ZNF329: variants seen among roughly 807,000 people sequenced by gnomAD.
ZNF329 encodes zinc finger protein 329.
A neutral mutation model predicts 26.6 loss-of-function variants in ZNF329; 15 were observed. That is an observed-to-expected ratio of 0.56 (90% CI 0.38 to 0.87). The LOEUF is 0.87. Ranked by LOEUF, ZNF329 falls within the 40% of genes least tolerant of loss-of-function variation. The pLI, the probability that ZNF329 is intolerant of heterozygous loss-of-function variation, is 0.00. For missense variants in ZNF329, 651 were observed against 651.9 expected (o/e 1.00, Z 0.02); for synonymous variants, 239 against 233.5 (o/e 1.02, Z -0.21).
At chr19:58,147,774 G>A (rs1277344983) in intron 1 of ZNF329, among the ~76,000 whole-genome samples, 1 of 9,624 alleles carries the variant, frequency 1.0e-4, no homozygotes, top group Non-Finnish European at 2.2e-4. Flanking sequence ...GAGGTGGGGG[G>A]GGTCAGCCCC....
chr19:58,138,604 C>T (rs1437634154), intron 3 of ZNF329, among the ~76,000 whole-genome samples: 2 of 152,216 alleles, frequency 1.3e-5, no homozygotes, highest in South Asian at 4.1e-4. Flanking sequence ...TCTGGATAGA[C>T]TGGGGCCTGG....
intron 3 of ZNF329, among the ~76,000 whole-genome samples, chr19:58,134,710 C>T (rs971477401): frequency 9.2e-5 from 14 of 152,016 alleles, no homozygotes; most frequent in African/African-American, 3.4e-4. Flanking sequence ...CTGAGGCAGG[C>T]GGATCACTTG....
rs2074869739 is a variant in ZNF329 at position 58,128,958 on chromosome 19, G to A, written c.546C>T (p.Asn182=). Residue 182 remains asparagine, a synonymous_variant, in exon 4 of 4, where the codon AAC becomes AAT. Coordinates refer to ENST00000598312, the MANE Select transcript of ZNF329 (RefSeq NM_024620.4). The part of the protein sequence containing the change: ...KKSYEGKNFE[N]IFTLSSSLNE... ...TAAGCGATGAGCTCAGAGTAAAGAT[G>A]TTCTCAAAATTCTTACCTTCATACG... The A allele has an allele frequency of 6.2e-7, 1 of 1,613,508 alleles. No individual in the cohort carries two copies. The highest frequency in any genetic ancestry group is 8.5e-7 in the Non-Finnish European group (1 of 1,179,806).
chr19:58,129,301 C>A lies in ZNF329; in HGVS notation c.203G>T (p.Gly68Val), dbSNP rs779461564. Residue 68 changes from glycine (G) to valine (V), a missense_variant, in exon 4 of 4, where the codon GGT becomes GTT. Transcript: ENST00000598312. ...GTQEAICEYP[G>V]FGEHLIASSD... is the part of the protein sequence containing the mutation. ...GCTTGCAATCAAATGCTCCCCAAAA[C>A]CAGGATATTCACAAATTGCTTCCTG... The A allele has an allele frequency of 6.2e-7, 1 of 1,614,080 alleles. No individual in the cohort carries two copies. The highest frequency in any genetic ancestry group is 8.5e-7 in the Non-Finnish European group (1 of 1,180,042).
In ZNF329 at chr19:58,127,935, G is replaced by C; in HGVS notation, c.1569C>G (p.Ser523Arg). ...CPQCGKMFQK[S>R]SSLVRHQRAH... The stretch of plus-strand genomic sequence containing the variant: ...CTCTTTGATGTCGAACAAGGGATGA[G>C]CTCTTTTGGAACATTTTTCCACACT... The change falls in exon 4 of 4, where the codon AGC (serine) becomes AGG (arginine). Residue 523 changes from serine to arginine, a missense_variant. Transcript: ENST00000598312. 5 of 1,612,966 alleles carry C rather than the reference G, an allele frequency of 3.1e-6. No homozygotes were observed. The highest frequency in any genetic ancestry group is 4.2e-6 in the Non-Finnish European group (5 of 1,179,438).
rs1215180184 is a variant in ZNF329 at position 58,141,624 on chromosome 19, G to A, written c.-9+933C>T. On this transcript the variant is annotated intron_variant, in intron 3 of 3. Coordinates refer to ENST00000598312, the MANE Select transcript of ZNF329 (RefSeq NM_024620.4). ...CTAATGCTCTTGGCCAGGTGCAGTG[G>A]TTCATGCCTGTAATCCCAGCACTTT... Among the ~76,000 whole-genome samples, 3 of 152,080 alleles carry A rather than the reference G, an allele frequency of 2.0e-5. No homozygotes were observed. The East Asian group carries it at 5.9e-4, about 30-fold the overall frequency.
intron 3 of ZNF329, among the ~76,000 whole-genome samples, chr19:58,133,509 C>T (rs1461021151): frequency 6.6e-6 from 1 of 151,842 alleles, no homozygotes; most frequent in Admixed American, 6.6e-5. Flanking sequence ...ATTGCTTGAG[C>T]TCCAGGGGTT....
rs770411697 is a variant in ZNF329 at position 58,129,118 on chromosome 19, A to G, written c.386T>C (p.Phe129Ser). 3 of 1,614,058 alleles carry G rather than the reference A, an allele frequency of 1.9e-6. No homozygotes were observed. The highest frequency in any genetic ancestry group is 2.2e-5 in the South Asian group (2 of 91,084). Residue 129 changes from phenylalanine (F) to serine (S), a missense_variant, in exon 4 of 4, where the codon TTC becomes TCC. Coordinates refer to ENST00000598312, the MANE Select transcript of ZNF329 (RefSeq NM_024620.4). ...ATGAATAACTTCCATGGAATGGTTG[A>G]AGCCTTTTCCACAGGCATCACTGTC... is the stretch of plus-strand genomic sequence containing the variant. ...TGDSDACGKG[F>S]NHSMEVIHGR...
intron 3 of ZNF329, among the ~76,000 whole-genome samples, chr19:58,130,629 G>A (rs1017463848): frequency 6.3e-5 from 9 of 143,078 alleles, no homozygotes; most frequent in East Asian, 2.1e-4. Flanking sequence ...AGCCAAGATC[G>A]TGCCACTGCA....
intron 3 of ZNF329, chr19:58,132,556 T>C (rs2074971276): frequency 6.6e-6 from 1 of 151,862 alleles, no homozygotes; most frequent in Non-Finnish European, 1.5e-5. Flanking sequence ...GGCGCATGCA[T>C]GTAATCCCAG....
rs866204099 is a variant in ZNF329, at chr19:58,147,609, T to C, written c.-208+3143A>G. ...GGGAGGGAGGTGGGGGGGTCAGCCCTCCGCCTGGCCAGACGCCCCGTCCAG... is the reference window on the plus strand; with the variant it reads ...GGGAGGGAGGTGGGGGGGTCAGCCCCCCGCCTGGCCAGACGCCCCGTCCAG... On this transcript the variant is annotated intron_variant, in intron 1 of 3. Transcript: ENST00000598312. Among the ~76,000 whole-genome samples, 105 of 100,304 alleles carry C rather than the reference T, an allele frequency of 1.0e-3. 2 individuals carry two copies. The South Asian group carries it at 0.013, about 12-fold the overall frequency. The allele number at this position is 100,304 out of a possible 152,430, so 65.8% of individuals were successfully genotyped here.
intron 3 of ZNF329, among the ~76,000 whole-genome samples, chr19:58,134,312 AC>A (rs1448350940): frequency 6.6e-6 from 1 of 152,198 alleles, no homozygotes; most frequent in Non-Finnish European, 1.5e-5. Context: ...AAAAACAAAA[AC>A]AAACAGACAA....
At position 58,146,974 on chromosome 19, in the gene ZNF329, C is replaced by T. The variant is rs2075326403; in HGVS notation, c.-207-3776G>A. ...GTGCAGCCTCTGCCCGGCCGCCACCCTGTCTGGGAAGTGAGGAGCATCTCT... is the reference window on the plus strand; with the variant it reads ...GTGCAGCCTCTGCCCGGCCGCCACCTTGTCTGGGAAGTGAGGAGCATCTCT... On this transcript the variant is annotated intron_variant, in intron 1 of 3. Transcript: ENST00000598312. Among the ~76,000 whole-genome samples, 3 of 152,176 alleles carry T rather than the reference C, an allele frequency of 2.0e-5. No homozygotes were observed. The South Asian group carries it at 6.2e-4, about 31-fold the overall frequency.
At chr19:58,138,095 T>C (rs566671562) in intron 3 of ZNF329, among the ~76,000 whole-genome samples, 1 of 152,338 alleles carries the variant, frequency 6.6e-6, no homozygotes, top group South Asian at 2.1e-4. Context: ...GGATTTATCC[T>C]AGGAATGTAA....
chr19:58,127,910 C>T lies in ZNF329; in HGVS notation c.1594G>A (p.Ala532Thr). 6.2e-7 allele frequency: 1 copy of T among 1,605,954 alleles called. No individual in the cohort carries two copies. Among genetic ancestry groups the T allele is most frequent in the Non-Finnish European group, 8.5e-7 (1 of 1,175,848 alleles). The change falls in exon 4 of 4, where the codon GCA becomes ACA. Residue 532 changes from alanine to threonine, a missense_variant. By Grantham distance (58) the Ala-to-Thr change is moderately conservative. Coordinates refer to ENST00000598312, the MANE Select transcript of ZNF329 (RefSeq NM_024620.4). ...KSSSLVRHQR[A>T]HLGEQPMET ...TCCATGGGTTGCTCTCCCAGGTGTG[C>T]TCTTTGATGTCGAACAAGGGATGAG...
rs559154349 is a variant in ZNF329, at chr19:58,130,310, G to C, written c.-8-799C>G. On this transcript the variant is annotated intron_variant, in intron 3 of 3. Coordinates refer to ENST00000598312, the MANE Select transcript of ZNF329 (RefSeq NM_024620.4). ...TGCACTCCAGCCTACGCGGCAGAGT[G>C]AGACTCCATCTCAAAAAACAAAACA... is the stretch of plus-strand genomic sequence containing the variant. 6.0e-5 allele frequency among the ~76,000 whole-genome samples: 9 copies of C among 150,560 alleles called. No homozygotes were observed. In the East Asian group the frequency reaches 1.8e-3, roughly 30 times the overall value.
intron 1 of ZNF329, among the ~76,000 whole-genome samples, chr19:58,147,007 C>T (rs928888441): frequency 5.9e-5 from 9 of 151,772 alleles, no homozygotes; most frequent in South Asian, 2.1e-4. Flanking sequence ...TCTGCCTGGC[C>T]GCCCATCATC....
rs2075211504 is a variant in ZNF329, at chr19:58,142,579, T to C, written c.-31A>G. The C allele has an allele frequency of 6.6e-6, 1 of 152,634 alleles. No homozygotes were observed. The highest frequency in any genetic ancestry group is 2.1e-4 in the South Asian group (1 of 4,826). 9.5% of individuals were successfully genotyped at this position (152,634 alleles called of 1,614,324 possible). ...CACCTCTGAAAGGCAGAGGGATCCA[T>C]TCAGGCCAGGTGTGTGGATACTTGA... On this transcript the variant is annotated 5_prime_UTR_variant, in exon 3 of 4. It removes an upstream start codon present in the reference 5' UTR. Transcript: ENST00000598312.
rs1297147426 is a variant in ZNF329 at position 58,126,866 on chromosome 19, G to C, written c.*1012C>G. 1 of 152,202 alleles carries C rather than the reference G, an allele frequency of 6.6e-6. No individual in the cohort carries two copies. Among genetic ancestry groups the C allele is most frequent in the Non-Finnish European group, 1.5e-5 (1 of 68,062 alleles). The allele number at this position is 152,202 out of a possible 1,614,324, so 9.4% of individuals were successfully genotyped here. A position where few individuals can be genotyped will look rare whatever the true frequency, so the allele number is the denominator to read the frequency against. ...GATGGGGTTTCACCATGCTGGCCAG[G>C]CTGGTCTTGAACTCCTAACCTTGTG... On this transcript the variant is annotated 3_prime_UTR_variant, in exon 4 of 4. Coordinates refer to ENST00000598312, the MANE Select transcript of ZNF329 (RefSeq NM_024620.4).
Sources: gnomAD v4.1 joint callset for allele counts (sites outside exome capture counted in the v4.1 genomes callset) on GRCh38, gnomAD v4.1.1 for gene constraint, MANE v1.5 for transcripts, NCBI Gene and HGNC (gene_info 2026-07-23, HGNC 2026-07-21) for gene names.